The following NOL8 variants were observed in gnomAD, a reference collection of about 807,000 sequenced individuals.
NOL8 encodes the protein nucleolar protein 8, also known as nucleolar protein Nop132.
NOL8 carries 93 observed loss-of-function variants against 116.1 expected under a neutral mutation model. The ratio of observed to expected loss-of-function variants is 0.80; its 90% CI spans 0.68 to 0.95. NOL8 has a LOEUF of 0.95. Ranked by LOEUF, NOL8 falls within the 40% of genes least tolerant of loss-of-function variation. The pLI, the probability that NOL8 is intolerant of heterozygous loss-of-function variation, is 0.00. For synonymous variants in NOL8, 419 were observed against 469.0 expected, an observed-to-expected ratio of 0.89 and a Z score of 1.38; for missense variants, 1,291 against 1,382.8, an observed-to-expected ratio of 0.93 and a Z score of 1.05.
At chr9:92,300,300 T>C (rs1271828202) in intron 13 of NOL8, 2 of 1,004,552 alleles carry the variant, frequency 2.0e-6, no homozygotes, top group African/African-American at 1.7e-5. Flanking sequence ...ATGAGCTATA[T>C]AATTTTTAAA....
chr9:92,301,841 A>G lies in NOL8; in HGVS notation c.2904-19T>C, dbSNP rs1837781070. ...TGCTTTACTGAAATGACATATGTAGACATGTGCATCACAAAGAAACAAGTT... is the reference window on the plus strand; with the variant it reads ...TGCTTTACTGAAATGACATATGTAGGCATGTGCATCACAAAGAAACAAGTT... On this transcript the variant is annotated intron_variant, in intron 12 of 16. Coordinates refer to ENST00000442668, the MANE Select transcript of NOL8 (RefSeq NM_017948.6). 1 of 1,530,194 alleles carries G rather than the reference A, an allele frequency of 6.5e-7. No homozygotes were observed. Among genetic ancestry groups the G allele is most frequent in the Non-Finnish European group, 8.7e-7 (1 of 1,145,444 alleles). 94.8% of individuals were successfully genotyped at this position (1,530,194 alleles called of 1,614,324 possible).
At chr9:92,300,270 T>TA (rs1369992390) in intron 13 of NOL8, 6 of 1,033,612 alleles carry the variant, frequency 5.8e-6, no homozygotes, top group African/African-American at 3.4e-5. Context: ...AAAAAAGGTT[T>TA]AAAAAATAAA....
At chr9:92,322,784 T>C (rs1840027603) in intron 3 of NOL8, 2 of 152,228 alleles carry the variant, frequency 1.3e-5, no homozygotes, top group African/African-American at 4.8e-5. Flanking sequence ...TTCACATTTA[T>C]CACATATATT....
chr9:92,314,873 TGA>T lies in NOL8; in HGVS notation c.1750_1751del (p.Ser584AsnfsTer12). On this transcript the variant is annotated frameshift_variant, in exon 7 of 17. Coordinates refer to ENST00000442668, the MANE Select transcript of NOL8 (RefSeq NM_017948.6). LOFTEE classifies it high-confidence loss of function. ...CACTGTCTTTCAAGGATTTTTTCATTGACTCCTTTTCATATAGACAGCCTACT... is the reference window on the plus strand; with the variant it reads ...CACTGTCTTTCAAGGATTTTTTCATTCTCCTTTTCATATAGACAGCCTACT... ...KGVGCLYEKE[S>X]MKKSLKDSVA... 1.2e-6 allele frequency: 2 copies of T among 1,613,610 alleles called. No homozygotes were observed. The highest frequency in any genetic ancestry group is 1.7e-6 in the Non-Finnish European group (2 of 1,179,798).
At chr9:92,319,821 G>A (rs933877052) in intron 4 of NOL8, 10 of 345,496 alleles carry the variant, frequency 2.9e-5, no homozygotes, top group Non-Finnish European at 4.5e-5. Context: ...TGAGCTATAC[G>A]GTTGGACAGC....
Position 92,314,685 on chromosome 9 carries a change from CTTTT to C in NOL8, c.1936_1939del (p.Lys646AspfsTer30). On this transcript the variant is annotated frameshift_variant, in exon 7 of 17. Transcript: ENST00000442668. LOFTEE classifies it high-confidence loss of function. ...ATCCTGGCTTTCAAAAGTGGTCTGT[CTTTT>C]TTGAGGCTGAATATAGTTTGGGCCA... The C allele has an allele frequency of 8.1e-6, 13 of 1,613,690 alleles. No homozygotes were observed. Among genetic ancestry groups the C allele is most frequent in the Non-Finnish European group, 1.1e-5 (13 of 1,179,784 alleles).
chr9:92,323,923 G>C, intron 2 of NOL8, 100 bp downstream of exon 2: 1 of 1,273,232 alleles, frequency 7.9e-7, no homozygotes, highest in Non-Finnish European at 1.1e-6. Context: ...TAAAACTTTT[G>C]GTGTTCAGAG....
chr9:92,303,795 C>T (rs1292557007), intron 12 of NOL8, among the ~76,000 whole-genome samples: 1 of 152,058 alleles, frequency 6.6e-6, no homozygotes, highest in African/African-American at 2.4e-5. Context: ...CAGAGCAAGA[C>T]CCTGTCTCTA....
At chr9:92,304,550 T>A (rs1290753180) in intron 12 of NOL8, among the ~76,000 whole-genome samples, 1 of 152,200 alleles carries the variant, frequency 6.6e-6, no homozygotes, top group Non-Finnish European at 1.5e-5. Flanking sequence ...GGGGTAAACA[T>A]ATCCTATTTG....
At chr9:92,307,061 A>T (rs1564212580) in intron 10 of NOL8, 37 bp from the exon 11 acceptor site, 1 of 1,585,530 alleles carries the variant, frequency 6.3e-7, no homozygotes, top group Non-Finnish European at 8.6e-7. Context: ...TCTCTTGGAA[A>T]ACACAGCCTG....
intron 4 of NOL8, 39 bp downstream of exon 4, chr9:92,321,629 A>G: frequency 8.1e-7 from 1 of 1,231,110 alleles, no homozygotes; most frequent in Non-Finnish European, 1.1e-6. Flanking sequence ...TTACAATATA[A>G]AAAAAATAGG....
At chr9:92,310,756 T>C (rs561241408) in intron 8 of NOL8, 81 bp from the exon 9 acceptor site, 17 of 1,450,204 alleles carry the variant, frequency 1.2e-5, no homozygotes, top group East Asian at 2.3e-5. Flanking sequence ...CTCCCTCACA[T>C]TGAAAGCCAG....
At chr9:92,300,374 C>G (rs1419714465) in intron 13 of NOL8, 1 of 990,914 alleles carries the variant, frequency 1.0e-6, no homozygotes, top group African/African-American at 1.7e-5. Flanking sequence ...TAATAGGATA[C>G]AGGGAAATCA....
rs369146927 is a variant in NOL8 at position 92,315,766 on chromosome 9, C to T, written c.859G>A (p.Gly287Ser). Reference protein sequence around the residue: ...KLKNLPFKTSGLETAKKRNSI... With the variant: ...KLKNLPFKTSSLETAKKRNSI... ...TTTCTCTTCTTGGCAGTTTCCAAGC[C>T]AGAAGTCTTAAAAGGTAGATTTTTA... Residue 287 changes from glycine (G) to serine (S), a missense_variant, in exon 7 of 17, where the codon GGC becomes AGC. By Grantham distance (56) the Gly-to-Ser change is moderately conservative. Coordinates refer to ENST00000442668, the MANE Select transcript of NOL8 (RefSeq NM_017948.6). 26 of 1,613,586 alleles carry T rather than the reference C, an allele frequency of 1.6e-5. No homozygotes were observed. The highest frequency in any genetic ancestry group is 2.2e-5 in the Non-Finnish European group (26 of 1,179,736).
intron 3 of NOL8, 88 bp downstream of exon 3, chr9:92,323,353 T>C (rs1840080626): frequency 6.5e-7 from 1 of 1,543,688 alleles, no homozygotes; most frequent in African/African-American, 1.4e-5. Context: ...GAAAAATGGC[T>C]GTGGAGGTTT....
Position 92,299,881 on chromosome 9 carries a change from A to G in NOL8, c.3302+9T>C. On this transcript the variant is annotated intron_variant, in intron 14 of 16. Transcript: ENST00000442668. Reference sequence around the variant, plus strand: ...ATGAACTATGCCTGCAAAGAAACAAATTGTTTACCCAGGACTGGAGTTTCT... The same window carrying G: ...ATGAACTATGCCTGCAAAGAAACAAGTTGTTTACCCAGGACTGGAGTTTCT... 1 of 1,611,998 alleles carries G rather than the reference A, an allele frequency of 6.2e-7. No individual in the cohort carries two copies. The highest frequency in any genetic ancestry group is 2.2e-5 in the East Asian group (1 of 44,808).
intron 11 of NOL8, 137 bp from the exon 12 acceptor site, chr9:92,305,967 T>C (rs2134099632): frequency 1.6e-6 from 1 of 626,344 alleles, no homozygotes; most frequent in Admixed American, 2.9e-5. Flanking sequence ...TCAGATAAGA[T>C]AACTAGGATC....
At chr9:92,317,898 G>C (rs2130724319) in intron 6 of NOL8, among the ~76,000 whole-genome samples, 1 of 151,668 alleles carries the variant, frequency 6.6e-6, no homozygotes, top group East Asian at 1.9e-4. Context: ...AGCCAGGTGT[G>C]GTGGCACACA....
intron 6 of NOL8, among the ~76,000 whole-genome samples, chr9:92,316,570 C>A (rs3758229): frequency 0.4 from 61,553 of 152,002 alleles, 14,727 homozygotes; most frequent in African/African-American, 0.66. Flanking sequence ...TATTTCTGTT[C>A]TCTCAGTTCT....
Sources: gnomAD v4.1 joint callset for allele counts (sites outside exome capture counted in the v4.1 genomes callset) on GRCh38, gnomAD v4.1.1 for gene constraint, MANE v1.5 for transcripts, NCBI Gene and HGNC (gene_info 2026-07-23, HGNC 2026-07-21) for gene names.